SLC35F4: variants seen among roughly 807,000 people sequenced by gnomAD.
SLC35F4 encodes chromosome 14 open reading frame 36.
Under a neutral mutation model 44.2 loss-of-function variants are expected in SLC35F4, and 24 were observed. That is an observed-to-expected ratio of 0.54 (90% CI 0.39 to 0.76). SLC35F4 has a LOEUF of 0.76. Ranked by LOEUF, SLC35F4 falls within the 30% of genes least tolerant of loss-of-function variation. SLC35F4 has a pLI of 0.00. For missense variants in SLC35F4, 562 were observed against 586.1 expected, an observed-to-expected ratio of 0.96 and a Z score of 0.42; for synonymous variants, 238 against 223.6, an observed-to-expected ratio of 1.06 and a Z score of -0.57.
At chr14:57,615,692 A>C (rs921281072) in intron 1 of SLC35F4, among the ~76,000 whole-genome samples, 1 of 152,208 alleles carries the variant, frequency 6.6e-6, no homozygotes, top group Non-Finnish European at 1.5e-5. Context: ...GAGAAATTTC[A>C]GTAGGTTATG....
chr14:57,743,494 G>C (rs992045818), intron 1 of SLC35F4, among the ~76,000 whole-genome samples: 7 of 152,078 alleles, frequency 4.6e-5, no homozygotes, highest in African/African-American at 1.4e-4. Flanking sequence ...ATAAATTCCT[G>C]GACACATACA....
intron 1 of SLC35F4, among the ~76,000 whole-genome samples, chr14:57,609,751 T>C (rs2071382159): frequency 6.6e-6 from 1 of 152,222 alleles, no homozygotes; most frequent in Non-Finnish European, 1.5e-5. Context: ...GGCTTAAATT[T>C]ACTACACAGG....
intron 1 of SLC35F4, among the ~76,000 whole-genome samples, chr14:57,838,138 CAA>C (rs1360113203): frequency 6.6e-6 from 1 of 152,042 alleles, no homozygotes; most frequent in East Asian, 1.9e-4. Flanking sequence ...AATGAATAAA[CAA>C]AGAGATACAA....
In SLC35F4 at chr14:57,927,065, A is replaced by G. The variant is rs560259152; in HGVS notation, n.282+54848T>C. ...TTCCAACCTTACTTAAAGGTGCAGC[A>G]TATGTGACCTGCCTCAGAGATGGCC... On this transcript the variant is annotated intron_variant and non_coding_transcript_variant, in intron 1 of 1. Transcript: ENST00000556568. Among the ~76,000 whole-genome samples the G allele has an allele frequency of 2.6e-5, 4 of 152,352 alleles. No individual in the cohort carries two copies. In the South Asian group the frequency reaches 6.2e-4, roughly 24 times the overall value.
intron 1 of SLC35F4, among the ~76,000 whole-genome samples, chr14:57,709,428 C>T (rs559062899): frequency 5.9e-5 from 9 of 151,918 alleles, no homozygotes; most frequent in Admixed American, 3.9e-4. Flanking sequence ...GATTATAGAG[C>T]GAGGATTATT....
At chr14:57,774,327 G>A (rs554841277) in intron 1 of SLC35F4, among the ~76,000 whole-genome samples, 2 of 152,272 alleles carry the variant, frequency 1.3e-5, no homozygotes, top group South Asian at 2.1e-4. Flanking sequence ...CTCACCCTGA[G>A]CCTCTGAATG....
intron 1 of SLC35F4, among the ~76,000 whole-genome samples, chr14:57,737,305 A>G (rs901921916): frequency 6.6e-6 from 1 of 151,966 alleles, no homozygotes; most frequent in Admixed American, 6.6e-5. Flanking sequence ...TATCACCCCT[A>G]TAGATCTCTT....
intron 1 of SLC35F4, among the ~76,000 whole-genome samples, chr14:57,762,309 C>A (rs911151458): frequency 2.4e-4 from 37 of 152,104 alleles, no homozygotes; most frequent in African/African-American, 8.7e-4. Flanking sequence ...CATTCTGGAA[C>A]TTTCATTTTG....
At chr14:57,612,246 G>A (rs765666431) in intron 1 of SLC35F4, among the ~76,000 whole-genome samples, 19 of 152,038 alleles carry the variant, frequency 1.2e-4, no homozygotes, top group Middle Eastern at 3.4e-3. Context: ...GTGAGATCCC[G>A]TCTCTAAAAA....
At chr14:57,880,768 G>T (rs1888518828) in intron 1 of SLC35F4, among the ~76,000 whole-genome samples, 1 of 152,140 alleles carries the variant, frequency 6.6e-6, no homozygotes, top group Non-Finnish European at 1.5e-5. Context: ...GTTTCTCTGT[G>T]CTTCAGATTT....
chr14:57,912,575 T>A (rs1232175144), intron 1 of SLC35F4, among the ~76,000 whole-genome samples: 1 of 152,028 alleles, frequency 6.6e-6, no homozygotes, highest in African/African-American at 2.4e-5. Context: ...TTTTGGGTTT[T>A]TCCAGCATCT....
intron 1 of SLC35F4, among the ~76,000 whole-genome samples, chr14:57,780,646 GAACAA>G (rs2077595082): frequency 6.6e-6 from 1 of 151,944 alleles, no homozygotes; most frequent in East Asian, 1.9e-4. Flanking sequence ...AGAACAAAAA[GAACAA>G]AACAAGAGCC....
chr14:57,835,069 T>G (rs934813847), intron 1 of SLC35F4, among the ~76,000 whole-genome samples: 1 of 152,146 alleles, frequency 6.6e-6, no homozygotes, highest in South Asian at 2.1e-4. Context: ...CAAACTAGAA[T>G]GGTTGAAGTA....
intron 1 of SLC35F4, among the ~76,000 whole-genome samples, chr14:57,918,311 A>C (rs1566929220): frequency 6.6e-6 from 1 of 152,064 alleles, no homozygotes; most frequent in Non-Finnish European, 1.5e-5. Flanking sequence ...CAATTCATGA[A>C]TTACAGTTCA....
chr14:57,610,443 A>G (rs1207100073), intron 1 of SLC35F4, among the ~76,000 whole-genome samples: 2 of 152,136 alleles, frequency 1.3e-5, no homozygotes, highest in East Asian at 3.9e-4. Context: ...TGTGAAGGCA[A>G]CTGTACCATC....
chr14:57,736,561 T>C (rs915644746), intron 1 of SLC35F4, among the ~76,000 whole-genome samples: 2 of 152,124 alleles, frequency 1.3e-5, no homozygotes, highest in South Asian at 4.1e-4. Context: ...CTCCACATAT[T>C]CAACAGGCCC....
chr14:57,934,514 T>C (rs1460471506), intron 1 of SLC35F4, among the ~76,000 whole-genome samples: 1 of 151,932 alleles, frequency 6.6e-6, no homozygotes, highest in Admixed American at 6.6e-5. Flanking sequence ...CATAGAGGGA[T>C]TACTGGTTCT....
chr14:57,911,329 G>A (rs1480871515), intron 1 of SLC35F4, among the ~76,000 whole-genome samples: 1 of 151,956 alleles, frequency 6.6e-6, no homozygotes, highest in Non-Finnish European at 1.5e-5. Context: ...ATATTGAAAA[G>A]CAGTGGTAAG....
Position 57,951,667 on chromosome 14 carries a change from G to C in SLC35F4, n.282+30246C>G, listed in dbSNP as rs369053959. 1.7e-3 allele frequency among the ~76,000 whole-genome samples: 257 copies of C among 152,324 alleles called. 2 individuals are homozygous for C. The highest frequency in any genetic ancestry group is 5.7e-3 in the African/African-American group (236 of 41,580). On this transcript the variant is annotated intron_variant and non_coding_transcript_variant, in intron 1 of 1. Transcript: ENST00000556568. ...CCCTCACAGTGTAAACAAAGCCTCAGGGAAGTTCAGACTGGGCAGAGCCCA... is the reference window on the plus strand; with the variant it reads ...CCCTCACAGTGTAAACAAAGCCTCACGGAAGTTCAGACTGGGCAGAGCCCA...
Sources: gnomAD v4.1 joint callset for allele counts (sites outside exome capture counted in the v4.1 genomes callset) on GRCh38, gnomAD v4.1.1 for gene constraint, MANE v1.5 for transcripts, NCBI Gene and HGNC (gene_info 2026-07-23, HGNC 2026-07-21) for gene names.